The following TOPAZ1 variants were observed in gnomAD, a reference collection of about 807,000 sequenced individuals.
TOPAZ1 encodes testis and ovary specific TOPAZ 1, also known as protein TOPAZ1.
Under a neutral mutation model 172.2 loss-of-function variants are expected in TOPAZ1, and 66 were observed. The ratio of observed to expected loss-of-function variants is 0.38; its 90% CI spans 0.31 to 0.47. The LOEUF is 0.47. Ranked by LOEUF, TOPAZ1 falls within the 20% of genes least tolerant of loss-of-function variation. The pLI, the probability that TOPAZ1 is intolerant of heterozygous loss-of-function variation, is 0.99. For missense variants in TOPAZ1, 1,822 were observed against 1,972.4 expected, an observed-to-expected ratio of 0.92 and a Z score of 1.44; for synonymous variants, 681 against 683.9, an observed-to-expected ratio of 1.00 and a Z score of 0.07.
intron 15 of TOPAZ1, among the ~76,000 whole-genome samples, chr3:44,309,318 C>T (rs1700370632): frequency 6.6e-6 from 1 of 152,144 alleles, no homozygotes; most frequent in Non-Finnish European, 1.5e-5. Flanking sequence ...AGGGGTTTCA[C>T]CACACTCCCC....
chr3:44,313,898 T>G (rs1383078418), intron 16 of TOPAZ1, among the ~76,000 whole-genome samples: 1 of 152,206 alleles, frequency 6.6e-6, no homozygotes, highest in East Asian at 1.9e-4. Flanking sequence ...TTCAGTTAGA[T>G]TGTAGTAATT....
At chr3:44,266,804 G>A (rs1053415974) in intron 5 of TOPAZ1, among the ~76,000 whole-genome samples, 193 bp from the exon 6 acceptor site, 2 of 152,082 alleles carry the variant, frequency 1.3e-5, no homozygotes, top group Admixed American at 6.5e-5. Flanking sequence ...ACACAGAGAC[G>A]TAAGTGAGCA....
chr3:44,308,741 T>A (rs1476959954), intron 15 of TOPAZ1, among the ~76,000 whole-genome samples: 4 of 152,138 alleles, frequency 2.6e-5, no homozygotes, highest in Non-Finnish European at 5.9e-5. Flanking sequence ...TAATTAAAAA[T>A]TTTAACTACT....
chr3:44,288,200 T>C (rs1010766263), intron 11 of TOPAZ1, among the ~76,000 whole-genome samples: 7 of 152,170 alleles, frequency 4.6e-5, no homozygotes, highest in African/African-American at 1.7e-4. Context: ...ATTCAACTTT[T>C]GTTAAATACT....
At chr3:44,245,967 G>A (rs1368021988) in intron 2 of TOPAZ1, among the ~76,000 whole-genome samples, 1 of 152,196 alleles carries the variant, frequency 6.6e-6, no homozygotes, top group African/African-American at 2.4e-5. Context: ...TAAGATCAGT[G>A]CTATCTATTT....
intron 5 of TOPAZ1, among the ~76,000 whole-genome samples, chr3:44,265,331 G>C (rs572254746): frequency 2.3e-4 from 35 of 152,320 alleles, no homozygotes; most frequent in Non-Finnish European, 4.7e-4. Context: ...GGAGGCCAAG[G>C]TGGGTGGATC....
At chr3:44,260,124 T>C (rs1290214224) in intron 4 of TOPAZ1, among the ~76,000 whole-genome samples, 1 of 152,184 alleles carries the variant, frequency 6.6e-6, no homozygotes, top group African/African-American at 2.4e-5. Context: ...CCCTTCACCT[T>C]GTGTAAGTTT....
chr3:44,302,848 G>A (rs1328762614), intron 12 of TOPAZ1, among the ~76,000 whole-genome samples: 2 of 151,990 alleles, frequency 1.3e-5, no homozygotes, highest in African/African-American at 4.8e-5. Flanking sequence ...TTTTGTTTGT[G>A]TGTTGATGGA....
chr3:44,281,244 G>T (rs1169059960), intron 8 of TOPAZ1, among the ~76,000 whole-genome samples: 1 of 152,154 alleles, frequency 6.6e-6, no homozygotes, highest in African/African-American at 2.4e-5. Context: ...CCACTGAACT[G>T]CATTCATCCA....
At chr3:44,333,767 G>A (rs182004508), downstream of TOPAZ1, among the ~76,000 whole-genome samples, 93 of 152,338 alleles carry the variant, frequency 6.1e-4, no homozygotes, top group Non-Finnish European at 1.2e-3. Flanking sequence ...ACAACAAAAA[G>A]TGTTGGCTCT....
At chr3:44,333,445 GA>G (rs1170092011), downstream of TOPAZ1, among the ~76,000 whole-genome samples, 2 of 152,158 alleles carry the variant, frequency 1.3e-5, no homozygotes, top group African/African-American at 4.8e-5. Context: ...GGGGAGAATA[GA>G]AAGTGGGCAT....
chr3:44,287,369 A>G lies in TOPAZ1; in HGVS notation c.3437-20A>G, dbSNP rs1700091301. On this transcript the variant is annotated intron_variant, in intron 9 of 19. Coordinates refer to ENST00000309765, the MANE Select transcript of TOPAZ1 (RefSeq NM_001145030.2). ...ATCTGAAGCAGCAAATGACTTTAGTATATATATTTTCATTTTCAGTAAACA... is the reference window on the plus strand; with the variant it reads ...ATCTGAAGCAGCAAATGACTTTAGTGTATATATTTTCATTTTCAGTAAACA... The G allele has an allele frequency of 1.5e-6, 2 of 1,373,698 alleles. No individual in the cohort carries two copies. The highest frequency in any genetic ancestry group is 2.7e-5 in the East Asian group (1 of 36,574). 85.1% of individuals were successfully genotyped at this position (1,373,698 alleles called of 1,614,324 possible). A position where few individuals can be genotyped will look rare whatever the true frequency, so the allele number is the denominator to read the frequency against.
At chr3:44,262,714 A>T (rs888006000) in intron 5 of TOPAZ1, among the ~76,000 whole-genome samples, 1 of 152,222 alleles carries the variant, frequency 6.6e-6, no homozygotes, top group Non-Finnish European at 1.5e-5. Context: ...TTGAGGAAAG[A>T]TAAGGAGTAG....
chr3:44,293,689 AAATT>A lies in TOPAZ1; in HGVS notation c.3797+2807_3797+2810del, dbSNP rs1178376732. ...AAGTTTGTAAAGTTACAGTAAGTTAAAATTAATATTGAAGAAAGAGAAACTTTTT... is the reference window on the plus strand; with the variant it reads ...AAGTTTGTAAAGTTACAGTAAGTTAAAATATTGAAGAAAGAGAAACTTTTT... On this transcript the variant is annotated intron_variant, in intron 12 of 19. Coordinates refer to ENST00000309765, the MANE Select transcript of TOPAZ1 (RefSeq NM_001145030.2). Among the ~76,000 whole-genome samples, 43 of 152,216 alleles carry A rather than the reference AAATT, an allele frequency of 2.8e-4. 1 individual carries two copies.
chr3:44,296,427 A>G (rs1312577116), intron 12 of TOPAZ1, among the ~76,000 whole-genome samples: 4 of 151,922 alleles, frequency 2.6e-5, no homozygotes, highest in Non-Finnish European at 4.4e-5. Context: ...AGACTAAAAA[A>G]AAAAGCAGAC....
At chr3:44,308,974 C>T (rs1490793262) in intron 15 of TOPAZ1, among the ~76,000 whole-genome samples, 1 of 152,160 alleles carries the variant, frequency 6.6e-6, no homozygotes, top group African/African-American at 2.4e-5. Flanking sequence ...GTCCAGAACT[C>T]ACCCAAAGCC....
intron 4 of TOPAZ1, 68 bp downstream of exon 4, chr3:44,256,346 T>TA: frequency 7.0e-7 from 1 of 1,420,194 alleles, no homozygotes; most frequent in Non-Finnish European, 9.3e-7. Context: ...AAATCCATCT[T>TA]AACAGTGCTA....
intron 9 of TOPAZ1, among the ~76,000 whole-genome samples, chr3:44,285,567 A>G: frequency 2.3e-5 from 1 of 43,086 alleles, no homozygotes; most frequent in Non-Finnish European, 5.3e-5. Flanking sequence ...AGAAGGTATC[A>G]TTATTTGTTT....
Position 44,331,841 on chromosome 3 carries a change from G to C in TOPAZ1, c.4909G>C (p.Glu1637Gln), listed in dbSNP as rs767535949. Reference protein sequence around the residue: ...RSNDDYQAAVERLIMAARISD... With the variant: ...RSNDDYQAAVQRLIMAARISD... ...CAATGATGATTATCAAGCTGCAGTA[G>C]AAAGGTTAATTATGGCTGCTCGTAT... The change falls in exon 20 of 20, where the codon GAA (glutamate) becomes CAA (glutamine). Residue 1637 changes from glutamate (E) to glutamine (Q), a missense_variant. Physicochemically the swap from Glu to Gln is conservative, Grantham distance 29 (BLOSUM62 2). This residue lies in a region of TOPAZ1 where 333 missense variants were observed against 481.7 expected (regional missense o/e 0.69). Transcript: ENST00000309765. 3.2e-6 allele frequency: 5 copies of C among 1,552,146 alleles called. No homozygotes were observed. The highest frequency in any genetic ancestry group is 3.5e-6 in the Non-Finnish European group (4 of 1,147,094).
Sources: allele counts gnomAD v4.1 joint callset (sites outside exome capture counted in the v4.1 genomes callset), GRCh38; gene constraint gnomAD v4.1.1; regional missense constraint gnomAD v4.1.1; transcripts MANE v1.5; gene names NCBI Gene and HGNC (gene_info 2026-07-23, HGNC 2026-07-21).